LDAH: variants seen among roughly 807,000 people sequenced by gnomAD.
The protein encoded by LDAH is lipid droplet associated hydrolase, also known as lipid droplet-associated hydrolase.
Under a neutral mutation model 29.6 loss-of-function variants are expected in LDAH, and 26 were observed. That is an observed-to-expected ratio of 0.88 (90% CI 0.64 to 1.22). The LOEUF is 1.22. LDAH is among the 50% of genes most tolerant of loss of function. The pLI, the probability that LDAH is intolerant of heterozygous loss-of-function variation, is 0.00. For missense variants in LDAH, 344 were observed against 387.3 expected, an observed-to-expected ratio of 0.89 and a Z score of 0.94; for synonymous variants, 117 against 133.0, an observed-to-expected ratio of 0.88 and a Z score of 0.83.
intron 6 of LDAH, 62 bp from the exon 7 acceptor site, chr2:20,687,156 C>T (rs1662621341): frequency 7.1e-7 from 1 of 1,403,516 alleles, no homozygotes; most frequent in Middle Eastern, 2.3e-4. Flanking sequence ...ACAGATATGA[C>T]ACCAGCAGCC....
intron 2 of LDAH, among the ~76,000 whole-genome samples, chr2:20,799,291 T>C (rs749533756): frequency 6.6e-6 from 1 of 152,168 alleles, no homozygotes; most frequent in Non-Finnish European, 1.5e-5. Context: ...GTGTTAAAAG[T>C]GGTTGCCTCT....
rs1046555985 is a variant in LDAH at position 20,710,189 on chromosome 2, G to GA, written c.704-8538dup. 2.0e-5 allele frequency among the ~76,000 whole-genome samples: 3 copies of GA among 152,022 alleles called. No individual in the cohort carries two copies. The East Asian group carries it at 5.8e-4, about 29-fold the overall frequency. ...TAAGTGTTTAGCCAGATTGATCAGG[G>GA]AAAAAAATGTGAGAAGACAAAAGAT... On this transcript the variant is annotated intron_variant, in intron 5 of 6. Coordinates refer to ENST00000237822, the MANE Select transcript of LDAH (RefSeq NM_021925.4).
At chr2:20,706,441 G>A (rs555171809) in intron 5 of LDAH, among the ~76,000 whole-genome samples, 1 of 152,238 alleles carries the variant, frequency 6.6e-6, no homozygotes, top group Admixed American at 6.5e-5. Flanking sequence ...ATGGCATTCT[G>A]TCTACTTGAA....
intron 4 of LDAH, among the ~76,000 whole-genome samples, chr2:20,770,092 C>T (rs969029397): frequency 1.3e-5 from 2 of 152,048 alleles, no homozygotes; most frequent in Admixed American, 1.3e-4. Flanking sequence ...GTGTTATTAC[C>T]ACTGCCCTTA....
At chr2:20,737,054 G>A (rs1221294271) in intron 5 of LDAH, among the ~76,000 whole-genome samples, 1 of 152,036 alleles carries the variant, frequency 6.6e-6, no homozygotes, top group Non-Finnish European at 1.5e-5. Flanking sequence ...TCCTTTCCTG[G>A]TCTTTGGGCT....
At chr2:20,800,091 T>A (rs1671562150) in intron 2 of LDAH, among the ~76,000 whole-genome samples, 2 of 152,208 alleles carry the variant, frequency 1.3e-5, no homozygotes, top group African/African-American at 4.8e-5. Flanking sequence ...GATCCCTTCC[T>A]CAGTGCCTGC....
intron 4 of LDAH, among the ~76,000 whole-genome samples, chr2:20,747,675 C>T (rs1275171441): frequency 6.6e-6 from 1 of 152,064 alleles, no homozygotes; most frequent in African/African-American, 2.4e-5. Context: ...CAAGAGTTTG[C>T]TTTTTGAGAT....
At chr2:20,769,252 T>C (rs1218263360) in intron 4 of LDAH, among the ~76,000 whole-genome samples, 1 of 152,202 alleles carries the variant, frequency 6.6e-6, no homozygotes, top group East Asian at 1.9e-4. Context: ...GGAAGCTTTT[T>C]CTGAGCTTCC....
At chr2:20,701,420 G>C (rs1663923283) in intron 6 of LDAH, 150 bp downstream of exon 6, 1 of 643,750 alleles carries the variant, frequency 1.6e-6, no homozygotes, top group Admixed American at 2.5e-5. Flanking sequence ...ACAACTTTCA[G>C]GGATAATTTC....
At chr2:20,808,418 C>T (rs938967079) in intron 1 of LDAH, among the ~76,000 whole-genome samples, 3 of 152,024 alleles carry the variant, frequency 2.0e-5, no homozygotes, top group African/African-American at 7.2e-5. Context: ...AATCCCAGCA[C>T]TTTGGGAGGC....
At chr2:20,722,329 G>A (rs917187057) in intron 5 of LDAH, among the ~76,000 whole-genome samples, 3 of 142,010 alleles carry the variant, frequency 2.1e-5, no homozygotes, top group Non-Finnish European at 4.5e-5. Flanking sequence ...GCAGTGAGCC[G>A]AGATTGCGCC....
chr2:20,813,794 G>T (rs1672664298), intron 1 of LDAH, among the ~76,000 whole-genome samples: 1 of 152,068 alleles, frequency 6.6e-6, no homozygotes, highest in Non-Finnish European at 1.5e-5. Flanking sequence ...TCTTTAATTT[G>T]CATTTCACTG....
chr2:20,776,639 G>A (rs564243960), intron 3 of LDAH, among the ~76,000 whole-genome samples: 1 of 152,238 alleles, frequency 6.6e-6, no homozygotes, highest in Non-Finnish European at 1.5e-5. Flanking sequence ...GAATTGGGAA[G>A]AGAGAGAATC....
intron 4 of LDAH, among the ~76,000 whole-genome samples, chr2:20,759,528 A>G (rs956898219): frequency 4.6e-5 from 7 of 152,108 alleles, no homozygotes; most frequent in Non-Finnish European, 8.8e-5. Flanking sequence ...TTTTCCATAC[A>G]AGCTGGAAGT....
intron 4 of LDAH, among the ~76,000 whole-genome samples, chr2:20,755,266 T>TA (rs1172026285): frequency 6.6e-6 from 1 of 151,382 alleles, no homozygotes; most frequent in Admixed American, 6.6e-5. Context: ...TTACAACTCT[T>TA]CTCTAAGTTT....
chr2:20,725,982 C>A (rs991091340), intron 5 of LDAH, among the ~76,000 whole-genome samples: 5 of 152,206 alleles, frequency 3.3e-5, no homozygotes, highest in African/African-American at 1.2e-4. Flanking sequence ...CTCTGGACTG[C>A]CTATGCCTGG....
At position 20,781,048 on chromosome 2, in the gene LDAH, T is replaced by C. The variant is rs72784371; in HGVS notation, c.299-6069A>G. Among the ~76,000 whole-genome samples the C allele has an allele frequency of 6.9e-3, 1,048 of 152,308 alleles. 13 individuals carry two copies. Among genetic ancestry groups the C allele is most frequent in the South Asian group, 0.042 (202 of 4,828 alleles). On this transcript the variant is annotated intron_variant, in intron 3 of 6. Coordinates refer to ENST00000237822, the MANE Select transcript of LDAH (RefSeq NM_021925.4). ...AAATTCATCATTAGTTGCAAGATTGTATAACTTTTTTAGGTAATGTTTTTA... is the reference window on the plus strand; with the variant it reads ...AAATTCATCATTAGTTGCAAGATTGCATAACTTTTTTAGGTAATGTTTTTA...
chr2:20,801,983 T>C (rs1671724769), intron 1 of LDAH, among the ~76,000 whole-genome samples: 1 of 151,566 alleles, frequency 6.6e-6, no homozygotes, highest in South Asian at 2.1e-4. Flanking sequence ...TGTGTATGTA[T>C]GAATATGTGT....
chr2:20,794,597 A>C (rs1481686962), intron 2 of LDAH, among the ~76,000 whole-genome samples: 2 of 152,182 alleles, frequency 1.3e-5, no homozygotes, highest in African/African-American at 2.4e-5. Flanking sequence ...TTTAACATTC[A>C]AAAATTAACA....
Sources: gnomAD v4.1 joint callset for allele counts (sites outside exome capture counted in the v4.1 genomes callset) on GRCh38, gnomAD v4.1.1 for gene constraint, MANE v1.5 for transcripts, NCBI Gene and HGNC (gene_info 2026-07-23, HGNC 2026-07-21) for gene names.